The following MRPL37 variants were observed in gnomAD, a reference collection of about 807,000 sequenced individuals.
MRPL37 encodes the protein mitochondrial ribosomal protein L37.
In MRPL37, 34 loss-of-function variants were observed where a neutral mutation model predicts 44.1. That is an observed-to-expected ratio of 0.77 (90% confidence interval 0.59 to 1.03). MRPL37 has a LOEUF of 1.03. MRPL37 is among the 50% of genes least tolerant of loss of function. MRPL37 has a pLI of 0.00. For synonymous variants in MRPL37, 212 were observed against 219.5 expected, an observed-to-expected ratio of 0.97 and a Z score of 0.30; for missense variants, 532 against 543.7, an observed-to-expected ratio of 0.98 and a Z score of 0.21.
In MRPL37 at chr1:54,218,350, C is replaced by T. The variant is rs777884274; in HGVS notation, c.*101C>T. The T allele has an allele frequency of 5.7e-6, 9 of 1,591,198 alleles. No homozygotes were observed. In the East Asian group the frequency reaches 6.7e-5, roughly 12 times the overall value. On this transcript the variant is annotated 3_prime_UTR_variant, in exon 7 of 7. Coordinates refer to ENST00000360840, the MANE Select transcript of MRPL37 (RefSeq NM_016491.4). Reference sequence around the variant, plus strand: ...CAGTGCCCGTTTGGCCTGCTGCTCTCGCTGACAATAAAGAGCCCTTGCGTT... The same window carrying T: ...CAGTGCCCGTTTGGCCTGCTGCTCTTGCTGACAATAAAGAGCCCTTGCGTT...
rs200024104 is a variant in MRPL37, at chr1:54,210,074, A to G, written c.775A>G (p.Ile259Val). 4.8e-5 allele frequency: 78 copies of G among 1,614,158 alleles called. No homozygotes were observed. Among genetic ancestry groups the G allele is most frequent in the Non-Finnish European group, 6.3e-5 (74 of 1,180,014 alleles). ...KNHVLETFYP[I>V]SPIIDLHECN... ...TCATGTTCTAGAGACCTTCTACCCC[A>G]TATCACCCATCATCGATCTTCATGA... The change falls in exon 4 of 7, where the codon ATA becomes GTA. Residue 259 changes from isoleucine (I) to valine (V), a missense_variant. Ile to Val is a conservative substitution (Grantham distance 29). Transcript: ENST00000360840.
At chr1:54,213,433 G>A in intron 5 of MRPL37, among the ~76,000 whole-genome samples, 1 of 152,284 alleles carries the variant, frequency 6.6e-6, no homozygotes, top group Non-Finnish European at 1.5e-5. Flanking sequence ...GAAAAGTACT[G>A]TTTCCCATCT....
rs746815773 is a variant in MRPL37 at position 54,218,167 on chromosome 1, T to C, written c.1195-5T>C. 4 of 1,613,248 alleles carry C rather than the reference T, an allele frequency of 2.5e-6. No individual in the cohort carries two copies. The highest frequency in any genetic ancestry group is 8.5e-7 in the Non-Finnish European group (1 of 1,179,274). On this transcript the variant is annotated splice_region_variant and splice_polypyrimidine_tract_variant and intron_variant, in intron 6 of 6. Coordinates refer to ENST00000360840, the MANE Select transcript of MRPL37 (RefSeq NM_016491.4). ...CAGGATCCTAATGAACCGTGTTCTT[T>C]CCAGGAACCTGTTGGCCCAGTTGGT...
At chr1:54,202,996 G>C (rs1644095454) in intron 1 of MRPL37, among the ~76,000 whole-genome samples, 1 of 152,164 alleles carries the variant, frequency 6.6e-6, no homozygotes, top group Admixed American at 6.5e-5. Flanking sequence ...CTAGGTCTAT[G>C]CATGTTCCTC....
At chr1:54,216,720 A>G (rs988049844) in intron 6 of MRPL37, among the ~76,000 whole-genome samples, 4 of 151,910 alleles carry the variant, frequency 2.6e-5, no homozygotes, top group Non-Finnish European at 4.4e-5. Flanking sequence ...GTTTAGCATA[A>G]GTGTTTCTTA....
chr1:54,216,383 T>G, intron 6 of MRPL37, 39 bp downstream of exon 6: 1 of 1,598,362 alleles, frequency 6.3e-7, no homozygotes, highest in Non-Finnish European at 8.6e-7. Context: ...AGGAGGGCCA[T>G]GCCTCCTCCT....
intron 5 of MRPL37, among the ~76,000 whole-genome samples, chr1:54,215,259 T>A (rs1400351367): frequency 6.6e-6 from 1 of 152,200 alleles, no homozygotes; most frequent in East Asian, 1.9e-4. Context: ...CTGATCCCCA[T>A]GGGTGACCTG....
intron 3 of MRPL37, chr1:54,207,383 G>C (rs1644131918): frequency 6.6e-6 from 1 of 152,204 alleles, no homozygotes; most frequent in African/African-American, 2.4e-5. Flanking sequence ...GAGAACACAG[G>C]TGTTCTAACT....
chr1:54,216,872 T>A (rs1380945148), intron 6 of MRPL37, among the ~76,000 whole-genome samples: 1 of 152,016 alleles, frequency 6.6e-6, no homozygotes, highest in Non-Finnish European at 1.5e-5. Flanking sequence ...TTTTTTTTCC[T>A]CCACCAAACA....
At chr1:54,208,134 A>T (rs902991507) in intron 3 of MRPL37, among the ~76,000 whole-genome samples, 2 of 152,184 alleles carry the variant, frequency 1.3e-5, no homozygotes, top group Non-Finnish European at 2.9e-5. Flanking sequence ...CTTGTCACCT[A>T]CGTCTGCATG....
intron 4 of MRPL37, among the ~76,000 whole-genome samples, chr1:54,211,513 C>T (rs1268507871): frequency 1.3e-5 from 2 of 150,762 alleles, no homozygotes; most frequent in Non-Finnish European, 2.9e-5. Context: ...TTCCCTGAGA[C>T]AGGGTCTCTC....
chr1:54,204,874 G>T, intron 1 of MRPL37, 144 bp from the exon 2 acceptor site: 1 of 909,976 alleles, frequency 1.1e-6, no homozygotes, highest in Middle Eastern at 3.5e-4. Flanking sequence ...TTCACTTTTG[G>T]TTCTATCCCC....
At chr1:54,224,959 TC>T (rs1644265694), downstream of MRPL37, among the ~76,000 whole-genome samples, 2 of 112,352 alleles carry the variant, frequency 1.8e-5, no homozygotes, top group African/African-American at 7.6e-5. Context: ...AAAATCAACC[TC>T]CCTGTGCCAA....
chr1:54,211,636 G>A (rs1644166012), intron 4 of MRPL37, among the ~76,000 whole-genome samples: 1 of 152,048 alleles, frequency 6.6e-6, no homozygotes, highest in Admixed American at 6.6e-5. Flanking sequence ...GGGACCACAG[G>A]CATGTGCTAC....
At position 54,216,342 on chromosome 1, in the gene MRPL37, G is replaced by A; in HGVS notation, c.1192G>A (p.Val398Met). 6.2e-7 allele frequency: 1 copy of A among 1,613,784 alleles called. No individual in the cohort carries two copies. Among genetic ancestry groups the A allele is most frequent in the Admixed American group, 1.7e-5 (1 of 60,018 alleles). Residue 398 changes from valine (V) to methionine (M), a missense_variant and splice_region_variant, in exon 6 of 7, where the codon GTG becomes ATG. By Grantham distance (21) the Val-to-Met change is conservative. Coordinates refer to ENST00000360840, the MANE Select transcript of MRPL37 (RefSeq NM_016491.4). ...CCCAGTGATCAAAAAGAGAGTGGTT[G>A]TGGTAAGTTGAGCCATCTCCTGCCT... ...CLPVIKKRVV[V>M]EPVGPVGFKP...
At chr1:54,221,646 C>A (rs563524085), downstream of MRPL37, among the ~76,000 whole-genome samples, 33 of 152,256 alleles carry the variant, frequency 2.2e-4, no homozygotes, top group South Asian at 6.4e-3. Flanking sequence ...ACAGGCACAT[C>A]ACACTCCCAC....
Position 54,205,007 on chromosome 1 carries a change from T to C in MRPL37, c.347-11T>C. ...TTTCCTTCTTTATTTTTGTGGCTAA[T>C]TACCTCAAAGGTGTAAAGCAGGCCC... On this transcript the variant is annotated splice_polypyrimidine_tract_variant and intron_variant, in intron 1 of 6. Transcript: ENST00000360840. The C allele has an allele frequency of 6.3e-7, 1 of 1,595,062 alleles. No homozygotes were observed. The highest frequency in any genetic ancestry group is 8.6e-7 in the Non-Finnish European group (1 of 1,169,438).
intron 1 of MRPL37, among the ~76,000 whole-genome samples, chr1:54,201,144 T>C (rs780407767): frequency 2.6e-5 from 4 of 152,036 alleles, no homozygotes; most frequent in Admixed American, 6.6e-5. Flanking sequence ...TTTTCCAGAG[T>C]CCATGGAGAA....
At chr1:54,218,131 A>C in intron 6 of MRPL37, 41 bp from the exon 7 acceptor site, 1 of 1,548,646 alleles carries the variant, frequency 6.5e-7, no homozygotes, top group Non-Finnish European at 8.9e-7. Flanking sequence ...TGCTGCCGTT[A>C]AACCTAGTAG....
Sources: allele counts gnomAD v4.1 joint callset (sites outside exome capture counted in the v4.1 genomes callset), GRCh38; gene constraint gnomAD v4.1.1; transcripts MANE v1.5; gene names NCBI Gene and HGNC (gene_info 2026-07-23, HGNC 2026-07-21).